Variants in TRIM24 observed in about 807,000 individuals in gnomAD.
TRIM24 encodes the protein tripartite motif containing 24.
In TRIM24, 29 loss-of-function variants were observed where a neutral mutation model predicts 123.9. That is an observed-to-expected ratio of 0.23 (90% CI 0.17 to 0.32). TRIM24 has a LOEUF of 0.32. TRIM24 is among the 10% of genes least tolerant of loss of function. The pLI, the probability that TRIM24 is intolerant of heterozygous loss-of-function variation, is 1.00. For synonymous variants in TRIM24, 456 were observed against 461.1 expected (o/e 0.99, Z 0.14); for missense variants, 932 against 1,295.3 (o/e 0.72, Z 4.31).
In TRIM24 at chr7:138,513,882, T is replaced by C. The variant is rs541404547; in HGVS notation, c.484-1330T>C. Among the ~76,000 whole-genome samples, 30 of 152,308 alleles carry C rather than the reference T, an allele frequency of 2.0e-4. 1 individual carries two copies. In the South Asian group the frequency reaches 5.8e-3, roughly 29 times the overall value. ...TTCTTTTTATAGCTTACTGTGGAGA[T>C]TACATTCTAGATTACATCCTTTTAG... On this transcript the variant is annotated intron_variant, in intron 2 of 18. Transcript: ENST00000343526.
Position 138,538,742 on chromosome 7 carries a change from A to C in TRIM24, c.1082A>C (p.His361Pro). 6.2e-7 allele frequency: 1 copy of C among 1,614,068 alleles called. No individual in the cohort carries two copies. The highest frequency in any genetic ancestry group is 8.5e-7 in the Non-Finnish European group (1 of 1,179,968). The change falls in exon 7 of 19, where the codon CAT becomes CCT. Residue 361 changes from histidine (H) to proline (P), a missense_variant. Coordinates refer to ENST00000343526, the MANE Select transcript of TRIM24 (RefSeq NM_015905.3). ...GLSKQLEHVMHFSKWAVSSGS... is the reference protein window; with the variant it reads ...GLSKQLEHVMPFSKWAVSSGS... ...TCTAAACAATTGGAGCATGTCATGC[A>C]TTTTTCTAAATGGGCAGTTTCCAGT...
intron 1 of TRIM24, among the ~76,000 whole-genome samples, chr7:138,470,080 A>G (rs1281932678): frequency 6.7e-6 from 1 of 150,360 alleles, no homozygotes; most frequent in East Asian, 2.0e-4. Context: ...TGGGATTTCG[A>G]TACTGCAGAC....
intron 1 of TRIM24, among the ~76,000 whole-genome samples, chr7:138,474,794 G>C (rs747452522): frequency 3.9e-5 from 6 of 152,056 alleles, no homozygotes; most frequent in Non-Finnish European, 7.3e-5. Context: ...CTGTTCCATT[G>C]GTCTTTTTGT....
chr7:138,519,095 T>A (rs1004918756), intron 3 of TRIM24, 94 bp from the exon 4 acceptor site: 2 of 1,445,374 alleles, frequency 1.4e-6, no homozygotes, highest in African/African-American at 2.8e-5. Context: ...GTAGTGTTTA[T>A]ATCAATAGAT....
intron 1 of TRIM24, among the ~76,000 whole-genome samples, chr7:138,485,910 G>A (rs901878246): frequency 6.6e-6 from 1 of 152,100 alleles, no homozygotes; most frequent in Non-Finnish European, 1.5e-5. Flanking sequence ...TTGAGGAATC[G>A]CCACACTGTC....
At chr7:138,575,665 A>C (rs1217138377) in intron 12 of TRIM24, among the ~76,000 whole-genome samples, 1 of 151,888 alleles carries the variant, frequency 6.6e-6, no homozygotes, top group East Asian at 1.9e-4. Flanking sequence ...CCTACTTGTT[A>C]CTGTTTAGTT....
chr7:138,548,451 A>G (rs113870395), intron 7 of TRIM24, among the ~76,000 whole-genome samples: 82 of 152,124 alleles, frequency 5.4e-4, no homozygotes, highest in Middle Eastern at 3.4e-3. Context: ...GTATAGGTAT[A>G]AGGCATTTAC....
intron 8 of TRIM24, among the ~76,000 whole-genome samples, chr7:138,552,057 G>C (rs1434589069): frequency 1.3e-5 from 2 of 151,714 alleles, no homozygotes; most frequent in Non-Finnish European, 2.9e-5. Flanking sequence ...TCTTTCGTAT[G>C]TTTAGATACA....
At chr7:138,514,451 T>G (rs1238252053) in intron 2 of TRIM24, 2 of 152,258 alleles carry the variant, frequency 1.3e-5, no homozygotes, top group African/African-American at 2.4e-5. Context: ...TGTCCTAGCT[T>G]CTTTTGCCAG....
At chr7:138,482,028 G>A (rs541278606) in intron 1 of TRIM24, among the ~76,000 whole-genome samples, 10 of 152,130 alleles carry the variant, frequency 6.6e-5, no homozygotes, top group Non-Finnish European at 1.2e-4. Flanking sequence ...GTATGCGTGA[G>A]TCTGTTTCTT....
chr7:138,532,642 A>G (rs1796772316), intron 6 of TRIM24, among the ~76,000 whole-genome samples: 1 of 152,208 alleles, frequency 6.6e-6, no homozygotes, highest in Non-Finnish European at 1.5e-5. Context: ...GAAGTCAGGT[A>G]GTGTGATGTC....
At chr7:138,556,580 A>C (rs935688527) in intron 9 of TRIM24, among the ~76,000 whole-genome samples, 2 of 152,206 alleles carry the variant, frequency 1.3e-5, no homozygotes, top group Non-Finnish European at 2.9e-5. Flanking sequence ...AGAAGTTGTG[A>C]TCATACAGTT....
At chr7:138,531,787 C>A (rs1412946126) in intron 6 of TRIM24, among the ~76,000 whole-genome samples, 1 of 152,182 alleles carries the variant, frequency 6.6e-6, no homozygotes, top group Non-Finnish European at 1.5e-5. Flanking sequence ...CTTGAGGAAT[C>A]GCCACGCTGT....
chr7:138,518,276 T>C (rs1313348520), intron 3 of TRIM24, among the ~76,000 whole-genome samples: 1 of 152,174 alleles, frequency 6.6e-6, no homozygotes, highest in Non-Finnish European at 1.5e-5. Context: ...TTTTATAAAA[T>C]GTAACACTGC....
intron 7 of TRIM24, among the ~76,000 whole-genome samples, chr7:138,540,925 A>G (rs1563053219): frequency 6.6e-6 from 1 of 152,088 alleles, no homozygotes; most frequent in Non-Finnish European, 1.5e-5. Context: ...TGCAACCTCT[A>G]GCTCCCAGGT....
chr7:138,525,593 G>A lies in TRIM24; in HGVS notation c.881+236G>A, dbSNP rs141082360. Among the ~76,000 whole-genome samples, 81 of 152,206 alleles carry A rather than the reference G, an allele frequency of 5.3e-4. 1 individual carries two copies. In the East Asian group the frequency reaches 0.014, roughly 26 times the overall value. On this transcript the variant is annotated intron_variant, in intron 5 of 18. Transcript: ENST00000343526. ...ATAGCTCATTTATCTAATAGGTATT[G>A]ATAACTTATTATCACTTATTTTCCA...
intron 9 of TRIM24, among the ~76,000 whole-genome samples, chr7:138,564,405 G>A (rs909504970): frequency 6.6e-6 from 1 of 152,232 alleles, no homozygotes; most frequent in Admixed American, 6.5e-5. Context: ...GTTGGCCTCA[G>A]TAAATGGGGG....
chr7:138,527,330 CTGAAT>C (rs1437845782), intron 5 of TRIM24, among the ~76,000 whole-genome samples: 2 of 151,818 alleles, frequency 1.3e-5, no homozygotes, highest in Non-Finnish European at 2.9e-5. Context: ...ATTTTGATTT[CTGAAT>C]TGAGGCAAAA....
intron 4 of TRIM24, among the ~76,000 whole-genome samples, chr7:138,522,401 A>G (rs1796523173): frequency 6.6e-6 from 1 of 152,160 alleles, no homozygotes; most frequent in African/African-American, 2.4e-5. Context: ...GACATTGTGG[A>G]ACACTGTACC....
Sources: allele counts gnomAD v4.1 joint callset (sites outside exome capture counted in the v4.1 genomes callset), GRCh38; gene constraint gnomAD v4.1.1; transcripts MANE v1.5; gene names NCBI Gene and HGNC (gene_info 2026-07-23, HGNC 2026-07-21).